The following ASB5 variants were observed in gnomAD, a reference collection of about 807,000 sequenced individuals.
The protein encoded by ASB5 is ankyrin repeat and SOCS box protein 5.
A neutral mutation model predicts 42.1 loss-of-function variants in ASB5; 45 were observed. The ratio of observed to expected loss-of-function variants is 1.07; its 90% confidence interval spans 0.84 to 1.37. The LOEUF (loss-of-function observed/expected upper bound fraction) is 1.37, where lower values mean the gene tolerates loss of function less well. Among genes scored for constraint, ASB5 ranks in the 40% most tolerant of loss-of-function variants. ASB5 has a pLI of 0.00. For synonymous variants in ASB5, 147 were observed against 150.6 expected, an observed-to-expected ratio of 0.98 and a Z score of 0.18; for missense variants, 402 against 399.8, an observed-to-expected ratio of 1.01 and a Z score of -0.05.
At chr4:176,231,900 C>G (rs1403749275) in intron 1 of ASB5, among the ~76,000 whole-genome samples, 1 of 151,774 alleles carries the variant, frequency 6.6e-6, no homozygotes, top group Non-Finnish European at 1.5e-5. Flanking sequence ...AATCTTAGAA[C>G]ATCCCATCAG....
At chr4:176,219,467 ATT>A (rs1456578939) in intron 5 of ASB5, among the ~76,000 whole-genome samples, 32 of 73,000 alleles carry the variant, frequency 4.4e-4, no homozygotes, top group African/African-American at 1.4e-3. Flanking sequence ...AAATATATAT[ATT>A]TGTATGATAT....
intron 1 of ASB5, among the ~76,000 whole-genome samples, chr4:176,254,358 T>G (rs934824607): frequency 1.3e-5 from 2 of 152,174 alleles, no homozygotes; most frequent in African/African-American, 4.8e-5. Flanking sequence ...TGGCTAGCTA[T>G]ATGCAGAAAA....
chr4:176,217,800 C>A (rs772444013), intron 5 of ASB5, among the ~76,000 whole-genome samples: 1 of 151,960 alleles, frequency 6.6e-6, no homozygotes, highest in Non-Finnish European at 1.5e-5. Flanking sequence ...GGTACATAAA[C>A]GGTTACAATA....
intron 1 of ASB5, among the ~76,000 whole-genome samples, chr4:176,235,907 G>A (rs968009958): frequency 2.6e-5 from 4 of 151,626 alleles, no homozygotes; most frequent in African/African-American, 9.7e-5. Context: ...GGAGGGCAGT[G>A]ATGTTCTGAA....
At chr4:176,247,245 T>A (rs1304766748) in intron 1 of ASB5, among the ~76,000 whole-genome samples, 4 of 152,194 alleles carry the variant, frequency 2.6e-5, no homozygotes, top group African/African-American at 9.6e-5. Context: ...AAGCCAAGTA[T>A]TACAAAGTTG....
intron 1 of ASB5, among the ~76,000 whole-genome samples, chr4:176,260,735 T>C (rs1754251961): frequency 6.6e-6 from 1 of 152,214 alleles, no homozygotes; most frequent in Admixed American, 6.5e-5. Flanking sequence ...TAGAGTTCAG[T>C]GGCGCAATCT....
chr4:176,268,958 C>T lies in ASB5; in HGVS notation c.151G>A (p.Ala51Thr). 6.2e-7 allele frequency: 1 copy of T among 1,613,154 alleles called. No homozygotes were observed. Among genetic ancestry groups the T allele is most frequent in the Non-Finnish European group, 8.5e-7 (1 of 1,179,534 alleles). ...FYIVKGNRKE[A>T]ARIAAEFYGV... ...TAAAATTCAGCTGCTATCCTTGCCG[C>T]TTCCTTGCGGTTGCCTTTCACTATG... Residue 51 changes from alanine to threonine, a missense_variant, in exon 1 of 7, where the codon GCG becomes ACG. Coordinates refer to ENST00000296525, the MANE Select transcript of ASB5 (RefSeq NM_080874.4).
At chr4:176,223,949 A>C (rs972963180) in intron 2 of ASB5, among the ~76,000 whole-genome samples, 4 of 152,130 alleles carry the variant, frequency 2.6e-5, no homozygotes, top group African/African-American at 9.7e-5. Flanking sequence ...TTTTCCTCCC[A>C]TCAAGTGATG....
intron 1 of ASB5, chr4:176,249,563 A>G (rs1753982004): frequency 6.6e-6 from 1 of 152,050 alleles, no homozygotes; most frequent in Non-Finnish European, 1.5e-5. Flanking sequence ...TGTCTGCTCT[A>G]CCACTGAGGG....
intron 5 of ASB5, among the ~76,000 whole-genome samples, chr4:176,219,601 T>G (rs79458288): frequency 8.4e-5 from 7 of 83,412 alleles, no homozygotes; most frequent in African/African-American, 2.0e-4. Context: ...TATATATATA[T>G]ATATATATAT....
rs1464511190 is a variant in ASB5, at chr4:176,219,919, C to G, written c.670+1236G>C. ...ATTTCTAGCAAAGGAATGAAAGGCT[C>G]TAAAGCAGGGGTGTCCAATCGTTTG... On this transcript the variant is annotated intron_variant, in intron 5 of 6. Transcript: ENST00000296525. Among the ~76,000 whole-genome samples, 6 of 151,940 alleles carry G rather than the reference C, an allele frequency of 3.9e-5. No homozygotes were observed. The South Asian group carries it at 6.2e-4, about 16-fold the overall frequency.
In ASB5 at chr4:176,221,639, G is replaced by C. The variant is rs376426121; in HGVS notation, c.385-39C>G. 23 of 1,534,662 alleles carry C rather than the reference G, an allele frequency of 1.5e-5. No individual in the cohort carries two copies. In the African/African-American group the frequency reaches 3.1e-4, roughly 21 times the overall value. ...AAATATCCAAACATAAGATTCATAA[G>C]TCATACATGAGTAACCGACTTAGGC... On this transcript the variant is annotated intron_variant, in intron 3 of 6. Coordinates refer to ENST00000296525, the MANE Select transcript of ASB5 (RefSeq NM_080874.4).
chr4:176,215,911 A>G (rs1484899324), intron 6 of ASB5, among the ~76,000 whole-genome samples, 184 bp from the exon 7 acceptor site: 1 of 152,276 alleles, frequency 6.6e-6, no homozygotes, highest in Admixed American at 6.5e-5. Context: ...TCTTATTATA[A>G]TTGAGATATA....
intron 2 of ASB5, among the ~76,000 whole-genome samples, chr4:176,223,182 TATG>T (rs1753273776): frequency 6.6e-6 from 1 of 152,164 alleles, no homozygotes; most frequent in South Asian, 2.1e-4. Context: ...CCTAAATAGG[TATG>T]ATGAAGTTGT....
intron 1 of ASB5, among the ~76,000 whole-genome samples, chr4:176,226,789 T>C (rs532906992): frequency 2.6e-5 from 4 of 152,328 alleles, no homozygotes; most frequent in Non-Finnish European, 5.9e-5. Context: ...CCTTCTGCTA[T>C]TTCCTGTGGT....
chr4:176,259,248 A>G (rs1370738792), intron 1 of ASB5, among the ~76,000 whole-genome samples: 2 of 152,188 alleles, frequency 1.3e-5, no homozygotes, highest in South Asian at 2.1e-4. Context: ...TTCCTTTTCC[A>G]AATTCATGAT....
rs867879587 is a variant in ASB5, at chr4:176,269,180, G to A, written c.-72C>T. On this transcript the variant is annotated 5_prime_UTR_variant, in exon 1 of 7. Transcript: ENST00000296525. The stretch of plus-strand genomic sequence containing the variant: ...AATGTGCCTGGCTCTCGTCCGGGAT[G>A]CTCCTGAACAGCTGGTCCTGAGGAA... 3 of 1,395,676 alleles carry A rather than the reference G, an allele frequency of 2.1e-6. No homozygotes were observed. In the African/African-American group the frequency reaches 4.3e-5, roughly 20 times the overall value. The allele number at this position is 1,395,676 out of a possible 1,614,324, so 86.5% of individuals were successfully genotyped here.
Position 176,258,861 on chromosome 4 carries a change from T to C in ASB5, c.196+10052A>G, listed in dbSNP as rs768755884. Among the ~76,000 whole-genome samples the C allele has an allele frequency of 2.6e-4, 39 of 152,360 alleles. 1 individual carries two copies. In the Middle Eastern group the frequency reaches 0.01, roughly 40 times the overall value. Reference sequence around the variant, plus strand: ...AAAAAAATAGTATCATCAGTTTCAGTAGACTCCAAGTACTAAGCTTACTTA... The same window carrying C: ...AAAAAAATAGTATCATCAGTTTCAGCAGACTCCAAGTACTAAGCTTACTTA... On this transcript the variant is annotated intron_variant, in intron 1 of 6. Transcript: ENST00000296525.
chr4:176,225,418 T>C, intron 1 of ASB5, 77 bp from the exon 2 acceptor site: 1 of 1,181,224 alleles, frequency 8.5e-7, no homozygotes, highest in Middle Eastern at 1.9e-4. Context: ...ACACAATCAA[T>C]ACCAAGATCA....
Sources: gnomAD v4.1 joint callset for allele counts (sites outside exome capture counted in the v4.1 genomes callset) on GRCh38, gnomAD v4.1.1 for gene constraint, MANE v1.5 for transcripts, NCBI Gene and HGNC (gene_info 2026-07-23, HGNC 2026-07-21) for gene names.